Variants in ZNF317 observed in about 807,000 individuals in gnomAD.
ZNF317 encodes zinc finger protein 317.
ZNF317 carries 17 observed loss-of-function variants against 23.4 expected under a neutral mutation model. That is an observed-to-expected ratio of 0.73 (90% CI 0.50 to 1.09). The LOEUF (loss-of-function observed/expected upper bound fraction) is 1.09, where lower values mean the gene tolerates loss of function less well. ZNF317 is among the 50% of genes least tolerant of loss of function. The pLI, the probability that ZNF317 is intolerant of heterozygous loss-of-function variation, is 0.00. For synonymous variants in ZNF317, 317 were observed against 314.9 expected, an observed-to-expected ratio of 1.01 and a Z score of -0.07; for missense variants, 679 against 796.7, an observed-to-expected ratio of 0.85 and a Z score of 1.78.
chr19:9,150,494 G>A (rs868710433), intron 1 of ZNF317, among the ~76,000 whole-genome samples: 1 of 152,168 alleles, frequency 6.6e-6, no homozygotes, highest in South Asian at 2.1e-4. Flanking sequence ...TCACAGAAGT[G>A]CAATCAGAAC....
intron 1 of ZNF317, among the ~76,000 whole-genome samples, chr19:9,142,544 AT>A (rs35609929): frequency 0.099 from 13,224 of 133,578 alleles, 715 homozygotes; most frequent in African/African-American, 0.16. Flanking sequence ...TTAACAAGTG[AT>A]TTTTTTTTTT....
chr19:9,146,353 A>G (rs1262418822), intron 1 of ZNF317, among the ~76,000 whole-genome samples: 1 of 151,064 alleles, frequency 6.6e-6, no homozygotes, highest in African/African-American at 2.4e-5. Flanking sequence ...ATGGCATATG[A>G]TGTTCTCACA....
chr19:9,156,078 A>G, intron 2 of ZNF317, 37 bp downstream of exon 2: 3 of 1,613,666 alleles, frequency 1.9e-6, no homozygotes, highest in Non-Finnish European at 2.5e-6. Flanking sequence ...TGAGAAAGTG[A>G]GTGCAAGTGG....
At chr19:9,141,194 C>T (rs1004497621) in intron 1 of ZNF317, among the ~76,000 whole-genome samples, 6 of 151,948 alleles carry the variant, frequency 3.9e-5, no homozygotes, top group African/African-American at 1.2e-4. Flanking sequence ...TGAATTTTAC[C>T]GTCTTATTTT....
intron 1 of ZNF317, among the ~76,000 whole-genome samples, chr19:9,148,427 G>T (rs1484991089): frequency 1.3e-5 from 2 of 152,194 alleles, no homozygotes; most frequent in African/African-American, 4.8e-5. Flanking sequence ...GAGGGTGGTG[G>T]TGGATGTTGG....
intron 5 of ZNF317, 48 bp from the exon 6 acceptor site, chr19:9,158,778 C>G (rs2050815727): frequency 8.2e-7 from 1 of 1,223,808 alleles, no homozygotes; most frequent in African/African-American, 1.5e-5. Flanking sequence ...CACCATCATC[C>G]CACCATTTTC....
Position 9,161,143 on chromosome 19 carries a change from A to C in ZNF317, c.1498A>C (p.Lys500Gln). Residue 500 changes from lysine to glutamine, a missense_variant, in exon 7 of 7, where the codon AAA becomes CAA. Lys to Gln is a moderately conservative substitution (Grantham distance 53). Coordinates refer to ENST00000247956, the MANE Select transcript of ZNF317 (RefSeq NM_020933.5). The surrounding 1 kb of genome is among the most constrained non-coding windows in gnomAD (Gnocchi z 4.0). ...RRHMSVHLVK[K>Q]RVECRQCGKA... is the part of the protein sequence containing the mutation. ...GCACATGAGCGTTCACCTTGTAAAG[A>C]AACGAGTTGAGTGTAGGCAGTGTGG... 1 of 1,614,196 alleles carries C rather than the reference A, an allele frequency of 6.2e-7. No individual in the cohort carries two copies. The highest frequency in any genetic ancestry group is 8.5e-7 in the Non-Finnish European group (1 of 1,180,042).
In ZNF317 at chr19:9,160,851, C is replaced by T. The variant is rs766844062; in HGVS notation, c.1206C>T (p.Leu402=). Reference sequence around the variant, plus strand: ...AATGCGGGAAATCCTTTGGCGATCTCGTGTCCCGGAGGAAACACATGAGGA... The same window carrying T: ...AATGCGGGAAATCCTTTGGCGATCTTGTGTCCCGGAGGAAACACATGAGGA... ...CKECGKSFGD[L]VSRRKHMRIH... Residue 402 remains leucine (L), a synonymous_variant, in exon 7 of 7, where the codon CTC becomes CTT. Transcript: ENST00000247956. This position sits in a 1 kb window ranked among gnomAD's most constrained non-coding sequence, Gnocchi z 6.8. 5.0e-6 allele frequency: 8 copies of T among 1,614,026 alleles called. No homozygotes were observed. The highest frequency in any genetic ancestry group is 1.1e-5 in the South Asian group (1 of 91,088).
rs140449306 is a variant in ZNF317, at chr19:9,158,065, C to T, written c.375C>T (p.Gly125=). 312 of 1,550,746 alleles carry T rather than the reference C, an allele frequency of 2.0e-4. No homozygotes were observed. Among genetic ancestry groups the T allele is most frequent in the Admixed American group, 7.1e-4 (36 of 50,894 alleles). The change falls in exon 5 of 7, where the codon GGC becomes GGT. Residue 125 remains glycine (G), a synonymous_variant. Coordinates refer to ENST00000247956, the MANE Select transcript of ZNF317 (RefSeq NM_020933.5). ...CAGAGGAGAGGGGCGCTCACCAGGG[C>T]GCTTGTGCAGGTGAGCGAGCCCCAG... The part of the protein sequence containing the change: ...PRTEERGAHQ[G]ACADWETPSK...
Position 9,160,517 on chromosome 19 carries a change from C to T in ZNF317, c.872C>T (p.Ser291Leu). ...TGTGGAAATGCATTCCGGACCCTCTCGGCCCTGAAAATCCACATGCGAGTT... is the reference window on the plus strand; with the variant it reads ...TGTGGAAATGCATTCCGGACCCTCTTGGCCCTGAAAATCCACATGCGAGTT... Reference protein sequence around the residue: ...SQCGNAFRTLSALKIHMRVHT... With the variant: ...SQCGNAFRTLLALKIHMRVHT... The change falls in exon 7 of 7, where the codon TCG becomes TTG. Residue 291 changes from serine (S) to leucine (L), a missense_variant. Coordinates refer to ENST00000247956, the MANE Select transcript of ZNF317 (RefSeq NM_020933.5). The surrounding 1 kb of genome is among the most constrained non-coding windows in gnomAD (Gnocchi z 6.8). The T allele has an allele frequency of 1.9e-6, 3 of 1,614,192 alleles. No homozygotes were observed. The highest frequency in any genetic ancestry group is 2.5e-6 in the Non-Finnish European group (3 of 1,180,044).
chr19:9,149,777 G>A (rs1294565499), intron 1 of ZNF317, among the ~76,000 whole-genome samples: 1 of 152,106 alleles, frequency 6.6e-6, no homozygotes, highest in South Asian at 2.1e-4. Context: ...CAGAGGAGCG[G>A]TGTGATCTTC....
intron 1 of ZNF317, among the ~76,000 whole-genome samples, chr19:9,149,434 T>C (rs1373841585): frequency 6.6e-6 from 1 of 152,010 alleles, no homozygotes; most frequent in Admixed American, 6.6e-5. Flanking sequence ...ATCACACTAC[T>C]GCACTCCAGC....
rs184031148 is a variant in ZNF317 at position 9,160,234 on chromosome 19, C to T, written c.589C>T (p.Arg197Cys). The stretch of plus-strand genomic sequence containing the variant: ...CGCTGGCAAGAGGCCCTATCACCGC[C>T]GCGACTATGGGGTAGCGTTCAAGGG... ...RHAGKRPYHR[R>C]DYGVAFKGRP... The change falls in exon 7 of 7, where the codon CGC (arginine) becomes TGC (cysteine). Residue 197 changes from arginine (R) to cysteine (C), a missense_variant. Coordinates refer to ENST00000247956, the MANE Select transcript of ZNF317 (RefSeq NM_020933.5). This position sits in a 1 kb window ranked among gnomAD's most constrained non-coding sequence, Gnocchi z 6.8. 9.2e-4 allele frequency: 1,483 copies of T among 1,614,132 alleles called. No individual in the cohort carries two copies. The highest frequency in any genetic ancestry group is 1.2e-3 in the Non-Finnish European group (1,368 of 1,180,014).
intron 1 of ZNF317, among the ~76,000 whole-genome samples, chr19:9,143,677 TG>T (rs1210480600): frequency 6.6e-6 from 1 of 152,006 alleles, no homozygotes; most frequent in Non-Finnish European, 1.5e-5. Flanking sequence ...TTGAACTGCC[TG>T]CTTAAACTGG....
At chr19:9,148,314 G>C (rs542060462) in intron 1 of ZNF317, among the ~76,000 whole-genome samples, 82 of 152,324 alleles carry the variant, frequency 5.4e-4, no homozygotes, top group African/African-American at 1.9e-3. Flanking sequence ...TCCACTCTGA[G>C]CTCTGGTTTG....
intron 1 of ZNF317, among the ~76,000 whole-genome samples, chr19:9,145,292 G>A (rs1046021752): frequency 5.1e-4 from 77 of 151,972 alleles, no homozygotes; most frequent in African/African-American, 1.7e-3. Flanking sequence ...TGAGTTTTTC[G>A]TTTTGTTTTG....
rs2050777676 is a variant in ZNF317 at position 9,155,950 on chromosome 19, A to G, written c.-67A>G. On this transcript the variant is annotated 5_prime_UTR_variant, in exon 2 of 7. Coordinates refer to ENST00000247956, the MANE Select transcript of ZNF317 (RefSeq NM_020933.5). Reference sequence around the variant, plus strand: ...ATGCCAGCTTGGAGAGTCACGTGAGAGCAAGAGAGTAGCTTTCTGGTTGTC... The same window carrying G: ...ATGCCAGCTTGGAGAGTCACGTGAGGGCAAGAGAGTAGCTTTCTGGTTGTC... 13 of 1,603,896 alleles carry G rather than the reference A, an allele frequency of 8.1e-6. No individual in the cohort carries two copies. The South Asian group carries it at 1.1e-4, about 14-fold the overall frequency.
chr19:9,151,793 A>C (rs968516947), intron 1 of ZNF317, among the ~76,000 whole-genome samples: 1 of 152,044 alleles, frequency 6.6e-6, no homozygotes, highest in Non-Finnish European at 1.5e-5. Context: ...TATCACATAC[A>C]TGATTTGCAA....
chr19:9,150,208 G>A (rs2050724227), intron 1 of ZNF317, among the ~76,000 whole-genome samples: 1 of 152,218 alleles, frequency 6.6e-6, no homozygotes, highest in Non-Finnish European at 1.5e-5. Context: ...TGGGGCAGGT[G>A]CCAGGGAGCG....
Sources: gnomAD v4.1 joint callset for allele counts (sites outside exome capture counted in the v4.1 genomes callset) on GRCh38, gnomAD v4.1.1 for gene constraint, Gnocchi (gnomAD v3.1) non-coding constraint, MANE v1.5 for transcripts, NCBI Gene and HGNC (gene_info 2026-07-23, HGNC 2026-07-21) for gene names.